The following RHBG variants were observed in gnomAD, a reference collection of about 807,000 sequenced individuals.
RHBG encodes ammonium transporter Rh type B.
A neutral mutation model predicts 40.1 loss-of-function variants in RHBG; 39 were observed. The observed-to-expected ratio is 0.97, with a 90% confidence interval of 0.75 to 1.27. RHBG has a LOEUF of 1.27. RHBG is among the 50% of genes most tolerant of loss of function. RHBG has a pLI of 0.00. For synonymous variants in RHBG, 237 were observed against 252.5 expected, an observed-to-expected ratio of 0.94 and a Z score of 0.58; for missense variants, 549 against 588.1, an observed-to-expected ratio of 0.93 and a Z score of 0.69.
intron 4 of RHBG, among the ~76,000 whole-genome samples, chr1:156,379,669 T>C (rs537844830): frequency 1.3e-5 from 2 of 152,218 alleles, no homozygotes; most frequent in Non-Finnish European, 2.9e-5. Flanking sequence ...CTTCCTGGAT[T>C]CTCCCACAAA....
rs1457790186 is a variant in RHBG, at chr1:156,377,754, T to C, written c.375-236T>C. 6.6e-6 allele frequency among the ~76,000 whole-genome samples: 1 copy of C among 152,216 alleles called. No homozygotes were observed. The highest frequency in any genetic ancestry group is 1.5e-5 in the Non-Finnish European group (1 of 68,028). On this transcript the variant is annotated intron_variant, in intron 2 of 9. Coordinates refer to ENST00000537040, the MANE Select transcript of RHBG (RefSeq NM_020407.5). This position sits in a 1 kb window ranked among gnomAD's most constrained non-coding sequence, Gnocchi z 4.6. Reference sequence around the variant, plus strand: ...AGACAGCTCTGGTTCTTCCACCTATTGTGGGCTTTGTCAGATGAGTCACAG... The same window carrying C: ...AGACAGCTCTGGTTCTTCCACCTATCGTGGGCTTTGTCAGATGAGTCACAG...
intron 8 of RHBG, among the ~76,000 whole-genome samples, 166 bp downstream of exon 8, chr1:156,383,035 C>T (rs1365430700): frequency 6.6e-6 from 1 of 152,220 alleles, no homozygotes; most frequent in Non-Finnish European, 1.5e-5. Context: ...GAGGTGCATG[C>T]AGGTGCTTGC....
At chr1:156,374,657 G>C (rs1168822193) in intron 1 of RHBG, 2 of 411,252 alleles carry the variant, frequency 4.9e-6, no homozygotes, top group South Asian at 3.6e-5. Context: ...CACAATCTCG[G>C]CTCACCACAA....
rs1402468198 is a variant in RHBG, at chr1:156,381,476, T to C, written c.803T>C (p.Leu268Ser). 1 of 1,613,456 alleles carries C rather than the reference T, an allele frequency of 6.2e-7. No homozygotes were observed. The change falls in exon 5 of 10, where the codon TTG becomes TCG. Residue 268 changes from leucine to serine, a missense_variant. Coordinates refer to ENST00000537040, the MANE Select transcript of RHBG (RefSeq NM_020407.5). ...GCCAGCACCCTTGGCACCTTTGCCT[T>C]GTCAGCCCTTGTAGGGGAAGATGGG... The part of the protein sequence containing the change: ...LAASTLGTFA[L>S]SALVGEDGRL...
At position 156,381,883 on chromosome 1, in the gene RHBG, G is replaced by A. The variant is rs762428643; in HGVS notation, c.918G>A (p.Gly306=). The change falls in exon 6 of 10, where the codon GGG becomes GGA. Residue 306 remains glycine, a synonymous_variant. Coordinates refer to ENST00000537040, the MANE Select transcript of RHBG (RefSeq NM_020407.5). The stretch of plus-strand genomic sequence containing the variant: ...GTGAAATGATGCTGACACCCTTTGG[G>A]GCTCTGGCAGCTGGCTTCTTGGCTG... ...TSSEMMLTPF[G]ALAAGFLAGT... is the part of the protein sequence containing the mutation. The A allele has an allele frequency of 1.2e-6, 2 of 1,607,200 alleles. No individual in the cohort carries two copies. Among genetic ancestry groups the A allele is most frequent in the African/African-American group, 1.3e-5 (1 of 74,250 alleles).
intron 1 of RHBG, among the ~76,000 whole-genome samples, chr1:156,373,766 A>C (rs1277343516): frequency 1.3e-5 from 2 of 152,186 alleles, no homozygotes; most frequent in Admixed American, 1.3e-4. Context: ...CTTGGACCCA[A>C]CACCCTTCCT....
intron 4 of RHBG, 108 bp downstream of exon 4, chr1:156,378,507 G>T: frequency 7.6e-7 from 1 of 1,322,592 alleles, no homozygotes; most frequent in Non-Finnish European, 1.0e-6. Flanking sequence ...GGGGTTGTGG[G>T]CATTCACTTC....
In RHBG at chr1:156,385,205, C is replaced by T. The variant is rs1004830647; in HGVS notation, c.*360C>T. The T allele has an allele frequency of 1.6e-4, 34 of 211,136 alleles. No individual in the cohort carries two copies. Among genetic ancestry groups the T allele is most frequent in the Middle Eastern group, 1.7e-3 (1 of 574 alleles). The allele number at this position is 211,136 out of a possible 1,614,324, so 13.1% of individuals were successfully genotyped here. ...GCCAGGCCTGGTTGAGGGTGATAAACGCCACTGTCTCTAAGGGTTCTGACT... is the reference window on the plus strand; with the variant it reads ...GCCAGGCCTGGTTGAGGGTGATAAATGCCACTGTCTCTAAGGGTTCTGACT... On this transcript the variant is annotated 3_prime_UTR_variant, in exon 10 of 10. Coordinates refer to ENST00000537040, the MANE Select transcript of RHBG (RefSeq NM_020407.5).
intron 7 of RHBG, 49 bp downstream of exon 7, chr1:156,382,250 C>A (rs1426984541): frequency 1.9e-6 from 3 of 1,611,462 alleles, no homozygotes; most frequent in Middle Eastern, 3.3e-4. Flanking sequence ...TCTGGAATGA[C>A]CTCTGTCATT....
At chr1:156,382,659 T>C in intron 7 of RHBG, 89 bp from the exon 8 acceptor site, 3 of 1,509,276 alleles carry the variant, frequency 2.0e-6, no homozygotes, top group Non-Finnish European at 2.7e-6. Flanking sequence ...TTCCCCAGTG[T>C]GAGTTCCAGT....
Position 156,369,395 on chromosome 1 carries a change from A to G in RHBG, c.146A>G (p.Asn49Ser). The G allele has an allele frequency of 6.2e-7, 1 of 1,613,968 alleles. No individual in the cohort carries two copies. Among genetic ancestry groups the G allele is most frequent in the East Asian group, 2.2e-5 (1 of 44,852 alleles). The change falls in exon 1 of 10, where the codon AAC becomes AGC. Residue 49 changes from asparagine (N) to serine (S), a missense_variant. By Grantham distance (46) the Asn-to-Ser change is conservative (BLOSUM62 1). This residue lies in a region of RHBG where 99 missense variants were observed against 85.2 expected (regional missense o/e 1.16). Coordinates refer to ENST00000537040, the MANE Select transcript of RHBG (RefSeq NM_020407.5). The stretch of plus-strand genomic sequence containing the variant: ...GACGCTGCCCTCTGGCACCGGAGCA[A>G]CCACAGTAACGCGGACAATGAATTT... ...KTDAALWHRS[N>S]HSNADNEFYF...
chr1:156,372,591 A>G (rs1419260843), intron 1 of RHBG, among the ~76,000 whole-genome samples: 1 of 152,138 alleles, frequency 6.6e-6, no homozygotes, highest in African/African-American at 2.4e-5. Flanking sequence ...GTGGCTTGTG[A>G]TCTCTTCTAG....
At chr1:156,373,574 C>G (rs1169822628) in intron 1 of RHBG, among the ~76,000 whole-genome samples, 1 of 152,174 alleles carries the variant, frequency 6.6e-6, no homozygotes, top group African/African-American at 2.4e-5. Flanking sequence ...CCTCACCTCT[C>G]AGAGCCCAAA....
At chr1:156,378,461 G>C in intron 4 of RHBG, 62 bp downstream of exon 4, 1 of 1,519,018 alleles carries the variant, frequency 6.6e-7, no homozygotes, top group Non-Finnish European at 8.8e-7. Context: ...ATCTGGGCCA[G>C]AGGTGACTGT....
intron 4 of RHBG, 54 bp from the exon 5 acceptor site, chr1:156,381,293 C>T (rs1230330257): frequency 1.3e-6 from 2 of 1,581,636 alleles, no homozygotes; most frequent in South Asian, 1.1e-5. Context: ...CAACTTGTAC[C>T]TTGCGTGGGA....
At chr1:156,378,503 G>A in intron 4 of RHBG, 104 bp downstream of exon 4, 1 of 1,373,020 alleles carries the variant, frequency 7.3e-7, no homozygotes, top group Non-Finnish European at 9.9e-7. Flanking sequence ...TCCTGGGGTT[G>A]TGGGCATTCA....
chr1:156,381,069 C>T (rs759882410), intron 4 of RHBG, among the ~76,000 whole-genome samples: 9 of 152,052 alleles, frequency 5.9e-5, no homozygotes, highest in Non-Finnish European at 1.0e-4. Context: ...CCAGCTAATT[C>T]CTTTGTATTT....
chr1:156,374,722 G>A, intron 1 of RHBG: 1 of 312,906 alleles, frequency 3.2e-6, no homozygotes, highest in South Asian at 2.4e-5. Context: ...GAGTAGCTGG[G>A]ATTACAGGTA....
chr1:156,372,165 C>A (rs1293661090), intron 1 of RHBG, among the ~76,000 whole-genome samples: 1 of 152,212 alleles, frequency 6.6e-6, no homozygotes, highest in Non-Finnish European at 1.5e-5. Flanking sequence ...CAAGACATGG[C>A]TAGTCTGAGG....
Sources: allele counts gnomAD v4.1 joint callset (sites outside exome capture counted in the v4.1 genomes callset), GRCh38; gene constraint gnomAD v4.1.1; regional missense constraint gnomAD v4.1.1; non-coding constraint Gnocchi (gnomAD v3.1); transcripts MANE v1.5; gene names NCBI Gene and HGNC (gene_info 2026-07-23, HGNC 2026-07-21).